AJUBA: variants seen among roughly 807,000 people sequenced by gnomAD.
The protein encoded by AJUBA is LIM domain-containing protein ajuba.
In AJUBA, 20 loss-of-function variants were observed where a neutral mutation model predicts 53.3. The ratio of observed to expected loss-of-function variants is 0.38; its 90% CI spans 0.26 to 0.55. The LOEUF is 0.55. Among genes scored for constraint, AJUBA ranks in the 20% least tolerant of loss-of-function variants. The probability of loss-of-function intolerance (pLI) is 0.80; values close to 1 mark genes in which losing one functional copy is unlikely to be tolerated. For synonymous variants in AJUBA, 296 were observed against 306.2 expected (o/e 0.97, Z 0.35); for missense variants, 580 against 730.5 (o/e 0.79, Z 2.38).
intron 1 of AJUBA, chr14:22,980,645 G>A: frequency 1.0e-6 from 1 of 985,270 alleles, no homozygotes; most frequent in Admixed American, 6.1e-5. Flanking sequence ...GGGTCCCAGG[G>A]CGCTCCATCC....
In AJUBA at chr14:22,982,548, G is replaced by C. The variant is rs1453075083; in HGVS notation, c.-282C>G. On this transcript the variant is annotated 5_prime_UTR_variant, in exon 1 of 8. Transcript: ENST00000262713. ...TATCTGTTCACGCGTCGACTCGCCC[G>C]ACTGCCCCACTCTCCCCGGCCCCCG... 2.3e-6 allele frequency: 3 copies of C among 1,317,564 alleles called. No individual in the cohort carries two copies. Among genetic ancestry groups the C allele is most frequent in the African/African-American group, 1.6e-5 (1 of 64,106 alleles). 81.6% of individuals were successfully genotyped at this position (1,317,564 alleles called of 1,614,324 possible). A position where few individuals can be genotyped will look rare whatever the true frequency, so the allele number is the denominator to read the frequency against.
chr14:22,973,402 C>A lies in AJUBA; in HGVS notation c.*41G>T, dbSNP rs1455244022. 7 of 1,579,004 alleles carry A rather than the reference C, an allele frequency of 4.4e-6. No homozygotes were observed. Among genetic ancestry groups the A allele is most frequent in the Non-Finnish European group, 6.0e-6 (7 of 1,162,408 alleles). Reference sequence around the variant, plus strand: ...CCTCAGAGGGGCCCACTGGCCACAGCAGTTTGTCTGCAGGGTGACAGCAGC... The same window carrying A: ...CCTCAGAGGGGCCCACTGGCCACAGAAGTTTGTCTGCAGGGTGACAGCAGC... On this transcript the variant is annotated 3_prime_UTR_variant, in exon 8 of 8. Transcript: ENST00000262713.
chr14:22,971,314 C>T lies in AJUBA; in HGVS notation c.*2129G>A, dbSNP rs2044981799. 1 of 151,986 alleles carries T rather than the reference C, an allele frequency of 6.6e-6. No homozygotes were observed. Among genetic ancestry groups the T allele is most frequent in the Admixed American group, 6.6e-5 (1 of 15,260 alleles). 9.4% of individuals were successfully genotyped at this position (151,986 alleles called of 1,614,324 possible). On this transcript the variant is annotated 3_prime_UTR_variant, in exon 8 of 8. Coordinates refer to ENST00000262713, the MANE Select transcript of AJUBA (RefSeq NM_032876.6). ...AAGGTGCATTTTCCCCTCTGGCGCT[C>T]AGTTGTATAAATCTGACCTCTTTCC...
Position 22,973,505 on chromosome 14 carries a change from G to A in AJUBA, c.1555C>T (p.Leu519Phe). 3 of 1,614,160 alleles carry A rather than the reference G, an allele frequency of 1.9e-6. No homozygotes were observed. Among genetic ancestry groups the A allele is most frequent in the Non-Finnish European group, 2.5e-6 (3 of 1,180,014 alleles). Residue 519 changes from leucine (L) to phenylalanine (F), a missense_variant, in exon 8 of 8, where the codon CTC becomes TTC. By Grantham distance (22) the Leu-to-Phe change is conservative. Around this residue, in one of 2 missense-constraint regions of AJUBA, gnomAD observed 150 missense variants for 259.0 expected, o/e 0.58. Transcript: ENST00000262713. ...CCCFPLDGHL[L>F]CHGCHMQRLN... is the part of the protein sequence containing the mutation. ...CGCTGCATGTGGCAACCATGGCAGA[G>A]CAAGTGCCCATCCAGAGGGAAACAG... is the stretch of plus-strand genomic sequence containing the variant.
Position 22,973,084 on chromosome 14 carries a change from G to C in AJUBA, c.*359C>G, listed in dbSNP as rs1183584343. On this transcript the variant is annotated 3_prime_UTR_variant, in exon 8 of 8. Coordinates refer to ENST00000262713, the MANE Select transcript of AJUBA (RefSeq NM_032876.6). ...AAGGTGGGAGGATCATTCGAGCCCAGGAGTTCAAGACTAGCCTGGGCAACA... is the reference window on the plus strand; with the variant it reads ...AAGGTGGGAGGATCATTCGAGCCCACGAGTTCAAGACTAGCCTGGGCAACA... 1 of 240,138 alleles carries C rather than the reference G, an allele frequency of 4.2e-6. No homozygotes were observed. The highest frequency in any genetic ancestry group is 8.3e-6 in the Non-Finnish European group (1 of 121,146). 14.9% of individuals were successfully genotyped at this position (240,138 alleles called of 1,614,324 possible). A position where few individuals can be genotyped will look rare whatever the true frequency, so the allele number is the denominator to read the frequency against.
chr14:22,978,212 A>C, intron 2 of AJUBA, 132 bp downstream of exon 2: 1 of 842,794 alleles, frequency 1.2e-6, no homozygotes, highest in Non-Finnish European at 1.9e-6. Flanking sequence ...ACCTCCAGAC[A>C]CTTGGTGGGG....
intron 3 of AJUBA, 62 bp from the exon 4 acceptor site, chr14:22,976,580 C>T (rs1437742257): frequency 2.2e-5 from 36 of 1,611,380 alleles, no homozygotes; most frequent in Non-Finnish European, 3.1e-5. Flanking sequence ...GGTGGTACTC[C>T]AATGGGCCAC....
At chr14:22,975,207 C>T (rs2045023738) in intron 4 of AJUBA, 103 bp from the exon 5 acceptor site, 2 of 1,454,850 alleles carry the variant, frequency 1.4e-6, no homozygotes, top group Non-Finnish European at 9.3e-7. Flanking sequence ...CAACCCGCTG[C>T]TATACTCCCA....
At chr14:22,976,959 T>C in intron 2 of AJUBA, 1 of 1,374,000 alleles carries the variant, frequency 7.3e-7, no homozygotes, top group Non-Finnish European at 9.4e-7. Context: ...CCTTAACAGT[T>C]TTCTAGGGCC....
rs1425099133 is a variant in AJUBA at position 22,973,257 on chromosome 14, A to G, written c.*186T>C. Reference sequence around the variant, plus strand: ...GCCAGTCGCCCCCACCCTGGTAAATATAAGGTTTCTCTTCCACAATCCATT... The same window carrying G: ...GCCAGTCGCCCCCACCCTGGTAAATGTAAGGTTTCTCTTCCACAATCCATT... On this transcript the variant is annotated 3_prime_UTR_variant, in exon 8 of 8. Transcript: ENST00000262713. 4 of 920,528 alleles carry G rather than the reference A, an allele frequency of 4.3e-6. No individual in the cohort carries two copies. The highest frequency in any genetic ancestry group is 7.0e-4 in the Middle Eastern group (2 of 2,844). 57.0% of individuals were successfully genotyped at this position (920,528 alleles called of 1,614,324 possible).
chr14:22,978,498 C>T, intron 1 of AJUBA, 53 bp from the exon 2 acceptor site: 1 of 1,581,964 alleles, frequency 6.3e-7, no homozygotes, highest in South Asian at 1.1e-5. Context: ...ACCAGGGATT[C>T]CCAAGCTTTC....
Position 22,981,316 on chromosome 14 carries a change from A to G in AJUBA, c.951T>C (p.Val317=). Residue 317 remains valine (V), a synonymous_variant, in exon 1 of 8, where the codon GTT becomes GTC. Coordinates refer to ENST00000262713, the MANE Select transcript of AJUBA (RefSeq NM_032876.6). ...SGLEEPPGPF[V]PEAARARMRE... ...GCATCCGGGCCCGGGCGGCCTCCGGAACGAAAGGACCTGGTGGCTCCTCCA... is the reference window on the plus strand; with the variant it reads ...GCATCCGGGCCCGGGCGGCCTCCGGGACGAAAGGACCTGGTGGCTCCTCCA... The G allele has an allele frequency of 6.2e-7, 1 of 1,611,882 alleles. No individual in the cohort carries two copies. Among genetic ancestry groups the G allele is most frequent in the Non-Finnish European group, 8.5e-7 (1 of 1,178,686 alleles).
rs532099683 is a variant in AJUBA, at chr14:22,976,234, G to A, written c.1239+222C>T. 4.4e-4 allele frequency among the ~76,000 whole-genome samples: 67 copies of A among 152,196 alleles called. 1 individual carries two copies. The Middle Eastern group carries it at 0.01, about 23-fold the overall frequency. ...GGCTGTGCCTGCAGAGTTAGGGAGG[G>A]GCTAGGTCATAGAAGCCTGGGTTGA... On this transcript the variant is annotated intron_variant, in intron 4 of 7. Transcript: ENST00000262713.
At chr14:22,978,834 GGT>G in intron 1 of AJUBA, 7 of 1,244,594 alleles carry the variant, frequency 5.6e-6, no homozygotes, top group Non-Finnish European at 7.2e-6. Flanking sequence ...CCAGTCCACA[GGT>G]GCTCAGCAGC....
intron 7 of AJUBA, 130 bp from the exon 8 acceptor site, chr14:22,973,698 T>C (rs2045006894): frequency 8.1e-7 from 1 of 1,232,302 alleles, no homozygotes; most frequent in East Asian, 2.5e-5. Context: ...AAGGGAAGGA[T>C]GGAAGGGATG....
chr14:22,974,877 T>TA lies in AJUBA; in HGVS notation c.1383dup (p.Lys462Ter). The TA allele has an allele frequency of 6.2e-7, 1 of 1,613,596 alleles. No individual in the cohort carries two copies. The highest frequency in any genetic ancestry group is 8.5e-7 in the Non-Finnish European group (1 of 1,179,924). On this transcript the variant is annotated frameshift_variant, in exon 6 of 8. Coordinates refer to ENST00000262713, the MANE Select transcript of AJUBA (RefSeq NM_032876.6). LOFTEE classifies it high-confidence loss of function. ...ATGGGTTGGCCACAGGCTGCACACT[T>TA]AGGAGCATAATTTCTGAAAGAGAGA...
In AJUBA at chr14:22,982,080, G is replaced by A; in HGVS notation, c.187C>T (p.Pro63Ser). The change falls in exon 1 of 8, where the codon CCG (proline) becomes TCG (serine). Residue 63 changes from proline to serine, a missense_variant. By Grantham distance (74) the Pro-to-Ser change is moderately conservative. This residue lies in a region of AJUBA where 430 missense variants were observed against 471.5 expected (regional missense o/e 0.91). Coordinates refer to ENST00000262713, the MANE Select transcript of AJUBA (RefSeq NM_032876.6). ...TGGPGDEPLE[P>S]AREQGSLDAE... ...TCCAGGGAACCTTGCTCCCGGGCCG[G>A]CTCCAACGGCTCATCCCCAGGTCCC... 1.3e-6 allele frequency: 2 copies of A among 1,591,248 alleles called. No homozygotes were observed. Among genetic ancestry groups the A allele is most frequent in the East Asian group, 2.2e-5 (1 of 44,656 alleles).
chr14:22,979,370 G>A lies in AJUBA; in HGVS notation c.1007-925C>T, dbSNP rs1169732468. ...ACGCTGCCACACTCCCTGCCTGTTG[G>A]GGCCCATCCCAGTCTTTGCCCAGGG... On this transcript the variant is annotated intron_variant, in intron 1 of 7. Transcript: ENST00000262713. This position sits in a 1 kb window ranked among gnomAD's most constrained non-coding sequence, Gnocchi z 4.0. 6.6e-6 allele frequency among the ~76,000 whole-genome samples: 1 copy of A among 152,210 alleles called. No homozygotes were observed. The highest frequency in any genetic ancestry group is 1.9e-4 in the East Asian group (1 of 5,190).
rs1244807225 is a variant in AJUBA at position 22,982,456 on chromosome 14, C to T, written c.-190G>A. The T allele has an allele frequency of 4.9e-6, 7 of 1,428,800 alleles. No individual in the cohort carries two copies. The highest frequency in any genetic ancestry group is 2.6e-4 in the Middle Eastern group (1 of 3,862). 88.5% of individuals were successfully genotyped at this position (1,428,800 alleles called of 1,614,324 possible). A position where few individuals can be genotyped will look rare whatever the true frequency, so the allele number is the denominator to read the frequency against. On this transcript the variant is annotated 5_prime_UTR_variant, in exon 1 of 8. Transcript: ENST00000262713. ...ATCCCCCAGCGGGAGGGGCTGCGTC[C>T]CCCCGCGCATCTGGGGCTGAGCGGG...
Sources: allele counts gnomAD v4.1 joint callset (sites outside exome capture counted in the v4.1 genomes callset), GRCh38; gene constraint gnomAD v4.1.1; regional missense constraint gnomAD v4.1.1; non-coding constraint Gnocchi (gnomAD v3.1); transcripts MANE v1.5; gene names NCBI Gene and HGNC (gene_info 2026-07-23, HGNC 2026-07-21).